PER1: variants seen among roughly 807,000 people sequenced by gnomAD.
PER1 encodes the protein period circadian protein homolog 1.
A neutral mutation model predicts 125.9 loss-of-function variants in PER1; 87 were observed. The ratio of observed to expected loss-of-function variants is 0.69; its 90% CI spans 0.58 to 0.83. The LOEUF is 0.83. Ranked by LOEUF, PER1 falls within the 40% of genes least tolerant of loss-of-function variation. The probability of loss-of-function intolerance (pLI) is 0.00; values close to 1 mark genes in which losing one functional copy is unlikely to be tolerated. For synonymous variants in PER1, 801 were observed against 714.7 expected, an observed-to-expected ratio of 1.12 and a Z score of -1.93; for missense variants, 1,775 against 1,722.8, an observed-to-expected ratio of 1.03 and a Z score of -0.54.
intron 19 of PER1, 72 bp from the exon 20 acceptor site, chr17:8,142,907 G>T: frequency 8.3e-7 from 1 of 1,210,642 alleles, no homozygotes; most frequent in South Asian, 1.4e-5. Context: ...TGCTCTTACT[G>T]GTTGTGGGGA....
At position 8,150,598 on chromosome 17, in the gene PER1, G is replaced by A. The variant is rs72845601; in HGVS notation, c.109C>T (p.Pro37Ser). 28,344 of 1,613,956 alleles carry A rather than the reference G, an allele frequency of 0.018. 319 individuals are homozygous for A. The highest frequency in any genetic ancestry group is 0.022 in the Non-Finnish European group (25,693 of 1,179,964). The change falls in exon 2 of 23, where the codon CCA becomes TCA. Residue 37 changes from proline (P) to serine (S), a missense_variant. Physicochemically the swap from Pro to Ser is moderately conservative, Grantham distance 74 (BLOSUM62 -1). Coordinates refer to ENST00000317276, the MANE Select transcript of PER1 (RefSeq NM_002616.3). ...GTGTCATCGGCCAGGCTGGGGCCTG[G>A]GCAAGGCCGGTGCTGTGGGGGCCCA... ...SPGPPQHRPC[P>S]GPSLADDTDA...
chr17:8,149,148 C>T (rs1046283674), intron 7 of PER1, 111 bp downstream of exon 7: 12 of 980,096 alleles, frequency 1.2e-5, no homozygotes, highest in Admixed American at 3.5e-5. Flanking sequence ...GAGATCGTGC[C>T]ACCGCAGTCC....
rs1457540363 is a variant in PER1, at chr17:8,148,714, C to G, written c.978G>C (p.Arg326=). Residue 326 remains arginine, a synonymous_variant, in exon 8 of 23, where the codon CGG becomes CGC. Transcript: ENST00000317276. ...FRLTPYVTKI[R]VSDGAPAQPC... is the part of the protein sequence containing the mutation. ...GCTGTGCAGGGGCCCCATCTGAGAC[C>G]CGGATCTTGGTCACATACGGGGTTA... The G allele has an allele frequency of 6.2e-7, 1 of 1,613,738 alleles. No homozygotes were observed. Among genetic ancestry groups the G allele is most frequent in the Non-Finnish European group, 8.5e-7 (1 of 1,179,894 alleles).
rs370403552 is a variant in PER1, at chr17:8,143,810, C to T, written c.2528G>A (p.Arg843His). 86 of 1,610,508 alleles carry T rather than the reference C, an allele frequency of 5.3e-5. No individual in the cohort carries two copies. The highest frequency in any genetic ancestry group is 7.0e-5 in the Non-Finnish European group (82 of 1,178,250). Reference protein sequence around the residue: ...HHCRSKAKRSRHHQNPRAEAP... With the variant: ...HHCRSKAKRSHHHQNPRAEAP... The stretch of plus-strand genomic sequence containing the variant: ...TTCAGCCCGAGGGTTCTGGTGGTGG[C>T]GTGAGCGCTTGGCTTTGGATCGGCA... Residue 843 changes from arginine (R) to histidine (H), a missense_variant, in exon 19 of 23, where the codon CGC becomes CAC. Arg to His is a conservative substitution (Grantham distance 29). Coordinates refer to ENST00000317276, the MANE Select transcript of PER1 (RefSeq NM_002616.3).
At position 8,146,803 on chromosome 17, in the gene PER1, A is replaced by G. The variant is rs369930546; in HGVS notation, c.1736-38T>C. On this transcript the variant is annotated intron_variant, in intron 14 of 22. Coordinates refer to ENST00000317276, the MANE Select transcript of PER1 (RefSeq NM_002616.3). ...GAGAAAGAGGAAAATAGCCTTCTCA[A>G]GCTCACATGGAAAAAAACAGCAAAT... is the stretch of plus-strand genomic sequence containing the variant. 2.5e-6 allele frequency: 4 copies of G among 1,607,238 alleles called. No individual in the cohort carries two copies. In the Admixed American group the frequency reaches 5.1e-5, roughly 20 times the overall value.
chr17:8,142,785 G>A lies in PER1; in HGVS notation c.3123C>T (p.Asp1041=), dbSNP rs1457286726. Residue 1041 remains aspartate, a synonymous_variant, in exon 20 of 23, where the codon GAC becomes GAT. Transcript: ENST00000317276. The part of the protein sequence containing the change: ...SNQDALSGSS[D]LLELLLQEDS... Reference sequence around the variant, plus strand: ...CCTCTTGCAGCAGAAGTTCGAGCAGGTCACTGGAGCCGGAAAGTGCGTCCT... The same window carrying A: ...CCTCTTGCAGCAGAAGTTCGAGCAGATCACTGGAGCCGGAAAGTGCGTCCT... 1.2e-6 allele frequency: 2 copies of A among 1,613,186 alleles called. No homozygotes were observed. The highest frequency in any genetic ancestry group is 1.1e-5 in the South Asian group (1 of 91,080).
chr17:8,146,712 G>C lies in PER1; in HGVS notation c.1789C>G (p.Leu597Val). The C allele has an allele frequency of 6.2e-7, 1 of 1,613,836 alleles. No individual in the cohort carries two copies. The change falls in exon 15 of 23, where the codon CTG becomes GTG. Residue 597 changes from leucine (L) to valine (V), a missense_variant. Physicochemically the swap from Leu to Val is conservative, Grantham distance 32. Coordinates refer to ENST00000317276, the MANE Select transcript of PER1 (RefSeq NM_002616.3). The part of the protein sequence containing the change: ...ALPCQSPDPE[L>V]EAGSAPVQAP... ...TGGACGGGAGCAGAACCCGCCTCCA[G>C]CTCTGGGTCTGGGGATTGGCAGGGA...
In PER1 at chr17:8,141,259, G is replaced by A; in HGVS notation, c.3682C>T (p.Leu1228=). ...CCTCCACCCTCTTCCATGGGCTCCA[G>A]CCCCAGTCCATCCAGCTCTGAGAAG... ...PLFSELDGLG[L]EPMEEGGGEQ... is the part of the protein sequence containing the mutation. Residue 1228 remains leucine, a synonymous_variant, in exon 23 of 23, where the codon CTG becomes TTG. Transcript: ENST00000317276. The A allele has an allele frequency of 1.2e-6, 2 of 1,614,168 alleles. No homozygotes were observed. The highest frequency in any genetic ancestry group is 1.7e-6 in the Non-Finnish European group (2 of 1,180,034).
In PER1 at chr17:8,149,999, G is replaced by A. The variant is rs369395487; in HGVS notation, c.501C>T (p.Tyr167=). 55 of 1,614,162 alleles carry A rather than the reference G, an allele frequency of 3.4e-5. No individual in the cohort carries two copies. Among genetic ancestry groups the A allele is most frequent in the Middle Eastern group, 1.6e-4 (1 of 6,062 alleles). The change falls in exon 4 of 23, where the codon TAC becomes TAT. Residue 167 remains tyrosine, a synonymous_variant. Transcript: ENST00000317276. ...GRSGTLATLQ[Y]ALACVKQVQA... ...GCACCTGCTTGACACAGGCCAGTGC[G>A]TACTGCAGCGTGGCCAGGGTCCCAG...
intron 7 of PER1, 80 bp downstream of exon 7, chr17:8,149,179 A>G: frequency 7.9e-7 from 1 of 1,272,826 alleles, no homozygotes; most frequent in East Asian, 2.3e-5. Flanking sequence ...ACAGAGTGAG[A>G]CTCCCTTTCA....
intron 18 of PER1, chr17:8,144,510 C>T (rs1982296737): frequency 3.8e-6 from 2 of 528,328 alleles, no homozygotes; most frequent in East Asian, 3.3e-5. Context: ...TACCTGGAGA[C>T]AGCACCTCTG....
rs1982099827 is a variant in PER1 at position 8,141,845 on chromosome 17, C to G, written c.3560G>C (p.Trp1187Ser). 6.2e-7 allele frequency: 1 copy of G among 1,613,938 alleles called. No individual in the cohort carries two copies. Among genetic ancestry groups the G allele is most frequent in the African/African-American group, 1.3e-5 (1 of 74,898 alleles). The change falls in exon 22 of 23, where the codon TGG (tryptophan) becomes TCG (serine). Residue 1187 changes from tryptophan to serine, a missense_variant. Coordinates refer to ENST00000317276, the MANE Select transcript of PER1 (RefSeq NM_002616.3). ...CCGAGGCAGTTGGCCCTTCCGGACC[C>G]AGGAGTGCACAGCACCCAGTTCCCG... ...QRRELGAVHSWVRKGQLPRAL... is the reference protein window; with the variant it reads ...QRRELGAVHSSVRKGQLPRAL...
chr17:8,144,044 G>A, intron 18 of PER1, 168 bp from the exon 19 acceptor site: 2 of 1,036,406 alleles, frequency 1.9e-6, no homozygotes, highest in Non-Finnish European at 2.7e-6. Context: ...CTTCAGGGAA[G>A]AATCACAGGA....
At chr17:8,143,940 C>G (rs914055817) in intron 18 of PER1, 64 bp from the exon 19 acceptor site, 32 of 1,538,042 alleles carry the variant, frequency 2.1e-5, no homozygotes, top group Admixed American at 9.2e-5. Context: ...GCTACCCACA[C>G]TGCCCTGACA....
chr17:8,142,775 G>C lies in PER1; in HGVS notation c.3133C>G (p.Leu1045Val). 1.2e-6 allele frequency: 2 copies of C among 1,613,532 alleles called. No homozygotes were observed. The highest frequency in any genetic ancestry group is 1.7e-6 in the Non-Finnish European group (2 of 1,179,968). ...GAGCGCGAGTCCTCTTGCAGCAGAAGTTCGAGCAGGTCACTGGAGCCGGAA... is the reference window on the plus strand; with the variant it reads ...GAGCGCGAGTCCTCTTGCAGCAGAACTTCGAGCAGGTCACTGGAGCCGGAA... ...ALSGSSDLLELLLQEDSRSGT... is the reference protein window; with the variant it reads ...ALSGSSDLLEVLLQEDSRSGT... The change falls in exon 20 of 23, where the codon CTT becomes GTT. Residue 1045 changes from leucine (L) to valine (V), a missense_variant. Coordinates refer to ENST00000317276, the MANE Select transcript of PER1 (RefSeq NM_002616.3).
chr17:8,151,120 AC>A (rs1414450595), intron 1 of PER1, among the ~76,000 whole-genome samples: 5 of 152,134 alleles, frequency 3.3e-5, no homozygotes, highest in Non-Finnish European at 7.4e-5. Flanking sequence ...AAACCTGGAC[AC>A]TTCCCATTCC....
In PER1 at chr17:8,141,121, C is replaced by A; in HGVS notation, c.3820G>T (p.Gly1274Cys). The A allele has an allele frequency of 2.5e-6, 4 of 1,613,968 alleles. No homozygotes were observed. The highest frequency in any genetic ancestry group is 2.5e-6 in the Non-Finnish European group (3 of 1,179,976). The change falls in exon 23 of 23, where the codon GGC becomes TGC. Residue 1274 changes from glycine to cysteine, a missense_variant. Coordinates refer to ENST00000317276, the MANE Select transcript of PER1 (RefSeq NM_002616.3). ...AAGGCTGGACTGGATGAGCTCCTGC[C>A]TTCTTCCTCCTCCTCCATAGCCAAG... ...QDLAMEEEEE[G>C]RSSSSPALPT...
chr17:8,147,006 TG>T lies in PER1; in HGVS notation c.1630-5del. 2 of 1,610,660 alleles carry T rather than the reference TG, an allele frequency of 1.2e-6. No individual in the cohort carries two copies. The highest frequency in any genetic ancestry group is 2.7e-5 in the African/African-American group (2 of 74,868). ...TACAGATCTGCTGGAAAGTCACCTG[TG>T]GGACACAGCACCACAGTGAGCAGAA... On this transcript the variant is annotated splice_polypyrimidine_tract_variant and splice_region_variant and intron_variant, in intron 13 of 22. Transcript: ENST00000317276.
intron 22 of PER1, 59 bp from the exon 23 acceptor site, chr17:8,141,399 G>A (rs1982071316): frequency 6.6e-7 from 1 of 1,524,392 alleles, no homozygotes; most frequent in African/African-American, 1.4e-5. Flanking sequence ...TAACCTGCCA[G>A]CGCAGCTTCC....
Sources: gnomAD v4.1 joint callset for allele counts (sites outside exome capture counted in the v4.1 genomes callset) on GRCh38, gnomAD v4.1.1 for gene constraint, MANE v1.5 for transcripts, NCBI Gene and HGNC (gene_info 2026-07-23, HGNC 2026-07-21) for gene names.